LITAF: variants seen among roughly 807,000 people sequenced by gnomAD.
LITAF encodes lipopolysaccharide induced TNF factor, also known as lipopolysaccharide-induced tumor necrosis factor-alpha factor.
LITAF carries 9 observed loss-of-function variants against 14.5 expected under a neutral mutation model. The observed-to-expected ratio is 0.62, with a 90% CI of 0.37 to 1.08. The LOEUF (loss-of-function observed/expected upper bound fraction) is 1.08. Among genes scored for constraint, LITAF ranks in the 50% least tolerant of loss-of-function variants. The pLI is 0.01. For missense variants in LITAF, 206 were observed against 213.4 expected, an observed-to-expected ratio of 0.97 and a Z score of 0.22; for synonymous variants, 98 against 88.2, an observed-to-expected ratio of 1.11 and a Z score of -0.62.
At chr16:11,618,994 A>AAAC (rs1555473610) in intron 3 of LITAF, among the ~76,000 whole-genome samples, 6,991 of 148,262 alleles carry the variant, frequency 0.047, 232 homozygotes, top group African/African-American at 0.087. Context: ...AAAAAAAAAC[A>AAAC]AAACAAACAA....
At chr16:11,629,713 C>T (rs2065106388) in intron 3 of LITAF, among the ~76,000 whole-genome samples, 1 of 152,112 alleles carries the variant, frequency 6.6e-6, no homozygotes, top group Admixed American at 6.5e-5. Flanking sequence ...CTGCTGAGCT[C>T]AGTGCTTGAG....
chr16:11,581,182 T>A (rs948360814), intron 1 of LITAF, among the ~76,000 whole-genome samples: 2 of 152,246 alleles, frequency 1.3e-5, no homozygotes, highest in Non-Finnish European at 2.9e-5. Context: ...TTGTATGTAT[T>A]TTCATCCGTT....
At chr16:11,599,633 TC>T (rs770998798), upstream of LITAF, among the ~76,000 whole-genome samples, 6 of 152,042 alleles carry the variant, frequency 3.9e-5, no homozygotes, top group East Asian at 9.6e-4. Context: ...GGACTCAGTC[TC>T]CCCAAAGCCC....
intron 2 of LITAF, chr16:11,633,653 A>T (rs150456202): frequency 3.9e-5 from 6 of 152,174 alleles, no homozygotes; most frequent in African/African-American, 1.4e-4. Flanking sequence ...TGGTCCAAAA[A>T]GGGGAGGCAT....
rs112656068 is a variant in LITAF, at chr16:11,619,645, C to A, written c.85+13888G>T. Among the ~76,000 whole-genome samples the A allele has an allele frequency of 7.0e-4, 106 of 151,470 alleles. 1 individual carries two copies. Among genetic ancestry groups the A allele is most frequent in the African/African-American group, 2.4e-3 (98 of 41,458 alleles). Reference sequence around the variant, plus strand: ...GCAGTGGTATGATCATAGCTCACTGCAGTGTTGACTTCCTGGGCTCAAACC... The same window carrying A: ...GCAGTGGTATGATCATAGCTCACTGAAGTGTTGACTTCCTGGGCTCAAACC... On this transcript the variant is annotated intron_variant, in intron 3 of 3. Transcript: ENST00000574848.
chr16:11,568,673 G>GTTTTTTTTTTTTTTTTTTTTTTTTTTTTT (rs374757371), intron 1 of LITAF, among the ~76,000 whole-genome samples: 2 of 116,370 alleles, frequency 1.7e-5, no homozygotes, highest in Non-Finnish European at 1.8e-5. Context: ...GTACACCCTT[G>GTTTTTTTTTTTTTTTTTTTTTTTTTTTTT]TTTTTTTTTG....
chr16:11,588,580 G>C (rs952765348), upstream of LITAF, among the ~76,000 whole-genome samples: 4 of 136,050 alleles, frequency 2.9e-5, no homozygotes, highest in East Asian at 7.5e-4. Context: ...AAAAGAAAGA[G>C]AAGGAAAGAA....
intron 3 of LITAF, among the ~76,000 whole-genome samples, chr16:11,603,766 C>G (rs539040726): frequency 2.0e-5 from 3 of 152,088 alleles, no homozygotes; most frequent in Admixed American, 2.0e-4. Flanking sequence ...CACTAGAGGC[C>G]GGGCGCAGGG....
Position 11,586,289 on chromosome 16 carries a change from T to C in LITAF, c.-6+597A>G, listed in dbSNP as rs1214201539. ...AGGGGCCACGGCCCGCTTCGCTCTCTGATTTTCACCTCCCCAGGGTCTCCC... is the reference window on the plus strand; with the variant it reads ...AGGGGCCACGGCCCGCTTCGCTCTCCGATTTTCACCTCCCCAGGGTCTCCC... On this transcript the variant is annotated intron_variant, in intron 1 of 3. Coordinates refer to ENST00000622633, the MANE Select transcript of LITAF (RefSeq NM_001136472.2). The surrounding 1 kb of genome is among the most constrained non-coding windows in gnomAD (Gnocchi z 6.5). 1 of 152,244 alleles carries C rather than the reference T, an allele frequency of 6.6e-6. No homozygotes were observed. Among genetic ancestry groups the C allele is most frequent in the Non-Finnish European group, 1.5e-5 (1 of 68,078 alleles). 9.4% of individuals were successfully genotyped at this position (152,244 alleles called of 1,614,324 possible). A position where few individuals can be genotyped will look rare whatever the true frequency, so the allele number is the denominator to read the frequency against.
At chr16:11,608,977 A>C (rs1304495910) in intron 3 of LITAF, among the ~76,000 whole-genome samples, 1 of 38,380 alleles carries the variant, frequency 2.6e-5, no homozygotes, top group African/African-American at 6.8e-5. Flanking sequence ...CAAAACAAAC[A>C]AACAAAAAAA....
chr16:11,574,008 TGG>T (rs1255844547), intron 1 of LITAF, among the ~76,000 whole-genome samples: 1 of 142,106 alleles, frequency 7.0e-6, no homozygotes, highest in African/African-American at 2.8e-5. Flanking sequence ...GGCGTTTTTT[TGG>T]TTTTTTTTTT....
chr16:11,553,579 C>T lies in LITAF; in HGVS notation c.331G>A (p.Ala111Thr), dbSNP rs1324125372. 13 of 1,614,062 alleles carry T rather than the reference C, an allele frequency of 8.1e-6. No homozygotes were observed. Among genetic ancestry groups the T allele is most frequent in the Admixed American group, 1.7e-5 (1 of 60,012 alleles). ...KMIVSQLSYN[A>T]GALTWLSCGS... Reference sequence around the variant, plus strand: ...CAGGACAGCCAGGTCAGAGCACCGGCGTTATAGGACAGCTGACTCACGATC... The same window carrying T: ...CAGGACAGCCAGGTCAGAGCACCGGTGTTATAGGACAGCTGACTCACGATC... The change falls in exon 3 of 4, where the codon GCC becomes ACC. Residue 111 changes from alanine (A) to threonine (T), a missense_variant. Ala to Thr is a moderately conservative substitution (Grantham distance 58). Coordinates refer to ENST00000622633, the MANE Select transcript of LITAF (RefSeq NM_001136472.2). The surrounding 1 kb of genome is among the most constrained non-coding windows in gnomAD (Gnocchi z 7.7).
chr16:11,625,078 A>C (rs967294952), intron 3 of LITAF, among the ~76,000 whole-genome samples: 1 of 152,000 alleles, frequency 6.6e-6, no homozygotes, highest in African/African-American at 2.4e-5. Flanking sequence ...TGCTGTGCCA[A>C]CTCATTGAAG....
At chr16:11,615,651 G>A (rs545989574) in intron 3 of LITAF, among the ~76,000 whole-genome samples, 1 of 152,336 alleles carries the variant, frequency 6.6e-6, no homozygotes, top group South Asian at 2.1e-4. Flanking sequence ...CTGGGAGACA[G>A]AGTGAGACTA....
At chr16:11,588,052 C>G (rs2064825490), upstream of LITAF, among the ~76,000 whole-genome samples, 1 of 152,136 alleles carries the variant, frequency 6.6e-6, no homozygotes, top group Non-Finnish European at 1.5e-5. Context: ...GTCCCCAGCC[C>G]CAAGTTCTTG....
At chr16:11,588,961 T>C (rs1303753323), upstream of LITAF, among the ~76,000 whole-genome samples, 1 of 152,110 alleles carries the variant, frequency 6.6e-6, no homozygotes, top group Non-Finnish European at 1.5e-5. Flanking sequence ...TTCTGTCCTT[T>C]ACTGAATACT....
chr16:11,576,895 G>A (rs761954951), intron 1 of LITAF, among the ~76,000 whole-genome samples: 20 of 152,188 alleles, frequency 1.3e-4, no homozygotes, highest in Non-Finnish European at 2.5e-4. Context: ...GATGACTGCA[G>A]GTAGTCCAAC....
chr16:11,611,907 C>T (rs2064984826), intron 3 of LITAF, among the ~76,000 whole-genome samples: 1 of 152,248 alleles, frequency 6.6e-6, no homozygotes, highest in African/African-American at 2.4e-5. Flanking sequence ...TCAGGTGATT[C>T]GCCCACCTCG....
In LITAF at chr16:11,553,059, G is replaced by A. The variant is rs891464194; in HGVS notation, c.377+474C>T. Among the ~76,000 whole-genome samples the A allele has an allele frequency of 4.6e-5, 7 of 152,132 alleles. No individual in the cohort carries two copies. The highest frequency in any genetic ancestry group is 1.4e-4 in the African/African-American group (6 of 41,424). The stretch of plus-strand genomic sequence containing the variant: ...GAACCTGGGAGGCGGAGGTTGCAGT[G>A]AGCCGGGATCGTGCTACTGCACTCC... On this transcript the variant is annotated intron_variant, in intron 3 of 3. Transcript: ENST00000622633. The surrounding 1 kb of genome is among the most constrained non-coding windows in gnomAD (Gnocchi z 7.7).
Sources: allele counts gnomAD v4.1 joint callset (sites outside exome capture counted in the v4.1 genomes callset), GRCh38; gene constraint gnomAD v4.1.1; non-coding constraint Gnocchi (gnomAD v3.1); transcripts MANE v1.5; gene names NCBI Gene and HGNC (gene_info 2026-07-23, HGNC 2026-07-21).